HNRNPR: variants seen among roughly 807,000 people sequenced by gnomAD.
HNRNPR encodes the protein heterogeneous nuclear ribonucleoprotein R.
A neutral mutation model predicts 70.3 loss-of-function variants in HNRNPR; 4 were observed. The ratio of observed to expected loss-of-function variants is 0.06; its 90% confidence interval spans 0.03 to 0.13. The LOEUF (loss-of-function observed/expected upper bound fraction) is 0.13, where lower values mean the gene tolerates loss of function less well. Ranked by LOEUF, HNRNPR falls within the 10% of genes least tolerant of loss-of-function variation. The pLI is 1.00. For missense variants in HNRNPR, 423 were observed against 788.5 expected (o/e 0.54, Z 5.55); for synonymous variants, 241 against 267.6 (o/e 0.90, Z 0.97).
intron 1 of HNRNPR, among the ~76,000 whole-genome samples, chr1:23,342,033 T>C (rs544021182): frequency 2.0e-4 from 31 of 152,152 alleles, no homozygotes; most frequent in African/African-American, 5.1e-4. Flanking sequence ...ATGAAGATAA[T>C]AGGCAGCAGA....
rs566733027 is a variant in HNRNPR, at chr1:23,314,228, C to T, written c.1018-526G>A. ...TTACACTATACACAAGGATAAACTC[C>T]AAATAGATTGAAAATTTAAATAATA... On this transcript the variant is annotated intron_variant, in intron 8 of 10. Coordinates refer to ENST00000302271, the MANE Select transcript of HNRNPR (RefSeq NM_005826.5). Among the ~76,000 whole-genome samples, 95 of 152,062 alleles carry T rather than the reference C, an allele frequency of 6.2e-4. 1 individual carries two copies. Among genetic ancestry groups the T allele is most frequent in the Non-Finnish European group, 1.2e-3 (79 of 67,958 alleles).
chr1:23,324,317 C>T (rs1220728681), intron 5 of HNRNPR, among the ~76,000 whole-genome samples: 1 of 152,164 alleles, frequency 6.6e-6, no homozygotes, highest in African/African-American at 2.4e-5. Context: ...GCCTGTAATC[C>T]CAGCACTTTG....
At chr1:23,317,314 C>T (rs1645583345) in intron 8 of HNRNPR, among the ~76,000 whole-genome samples, 1 of 152,036 alleles carries the variant, frequency 6.6e-6, no homozygotes, top group South Asian at 2.1e-4. Flanking sequence ...AAAAATTAGC[C>T]AGCTGTGGTG....
At chr1:23,315,147 G>A (rs1645482234) in intron 8 of HNRNPR, among the ~76,000 whole-genome samples, 1 of 151,930 alleles carries the variant, frequency 6.6e-6, no homozygotes, top group Non-Finnish European at 1.5e-5. Context: ...GGGCGTGGTA[G>A]GAGGCACCTA....
intron 2 of HNRNPR, among the ~76,000 whole-genome samples, chr1:23,339,998 T>A (rs914663343): frequency 5.3e-5 from 8 of 151,678 alleles, no homozygotes; most frequent in Non-Finnish European, 1.2e-4. Context: ...ATGTCTAAAA[T>A]TATGCTAAGC....
chr1:23,314,312 T>C (rs1454939398), intron 8 of HNRNPR, among the ~76,000 whole-genome samples: 1 of 152,104 alleles, frequency 6.6e-6, no homozygotes, highest in East Asian at 1.9e-4. Flanking sequence ...TATATAACAC[T>C]GGAGTGGGGA....
chr1:23,331,661 T>C (rs1051877740), intron 5 of HNRNPR, among the ~76,000 whole-genome samples: 1 of 151,368 alleles, frequency 6.6e-6, no homozygotes, highest in African/African-American at 2.4e-5. Flanking sequence ...CACTCCAGCC[T>C]GGGCAACAAG....
At chr1:23,337,288 T>C (rs1034224836) in intron 4 of HNRNPR, among the ~76,000 whole-genome samples, 2 of 152,136 alleles carry the variant, frequency 1.3e-5, no homozygotes, top group Non-Finnish European at 2.9e-5. Flanking sequence ...AAACATGCAA[T>C]TGAGTGTCGA....
chr1:23,338,074 G>T (rs572081651), intron 3 of HNRNPR: 2 of 449,304 alleles, frequency 4.5e-6, no homozygotes, highest in African/African-American at 2.0e-5. Flanking sequence ...TTCTACCCTG[G>T]GAAAACACAG....
chr1:23,311,305 A>G lies in HNRNPR; in HGVS notation c.1185T>C (p.Asn395=). The G allele has an allele frequency of 6.3e-7, 1 of 1,590,550 alleles. No homozygotes were observed. The highest frequency in any genetic ancestry group is 1.3e-5 in the African/African-American group (1 of 74,546). Residue 395 remains asparagine (N), a synonymous_variant, in exon 10 of 11, where the codon AAT becomes AAC. Transcript: ENST00000302271. ...TTTCTTCCCCTTCTATTTCTTTGCC[A>G]TTCATTTCATCCATAGCCTATAAAA... ...GAAVKAMDEM[N]GKEIEGEEIE... is the part of the protein sequence containing the mutation.
chr1:23,331,405 T>TAAAAAAAAAAAAAA (rs59528152), intron 5 of HNRNPR, among the ~76,000 whole-genome samples: 14 of 127,238 alleles, frequency 1.1e-4, no homozygotes, highest in African/African-American at 3.6e-4. Flanking sequence ...CACAAAAAAT[T>TAAAAAAAAAAAAAA]AAAAAAAAAA....
chr1:23,311,893 CT>C (rs1645350057), intron 9 of HNRNPR: 1 of 152,446 alleles, frequency 6.6e-6, no homozygotes, highest in Admixed American at 6.5e-5. Flanking sequence ...CCAAAATGTA[CT>C]TTGCTTGAAC....
chr1:23,334,892 G>C (rs1163945625), intron 4 of HNRNPR, among the ~76,000 whole-genome samples: 14 of 151,456 alleles, frequency 9.2e-5, no homozygotes, highest in South Asian at 8.3e-4. Context: ...AATCTACCTA[G>C]AAAAGAGAAA....
Position 23,313,567 on chromosome 1 carries a change from C to T in HNRNPR, c.1153G>A (p.Gly385Arg), listed in dbSNP as rs747492474. The change falls in exon 9 of 11, where the codon GGA becomes AGA. Residue 385 changes from glycine to arginine, a missense_variant. Gly to Arg is a moderately radical substitution (Grantham distance 125, BLOSUM62 -2). Coordinates refer to ENST00000302271, the MANE Select transcript of HNRNPR (RefSeq NM_005826.5). ...DYAFVHFEDR[G>R]AAVKAMDEMN... ...AAAATTCCTACCTTAACAGCTGCTC[C>T]TCTGTCTTCAAAATGAACAAATGCA... is the stretch of plus-strand genomic sequence containing the variant. 2.6e-6 allele frequency: 4 copies of T among 1,559,764 alleles called. No individual in the cohort carries two copies. Among genetic ancestry groups the T allele is most frequent in the Admixed American group, 2.2e-5 (1 of 45,466 alleles).
chr1:23,310,446 T>G lies in HNRNPR; in HGVS notation c.*8A>C. 3 of 1,574,968 alleles carry G rather than the reference T, an allele frequency of 1.9e-6. No homozygotes were observed. The highest frequency in any genetic ancestry group is 2.6e-6 in the Non-Finnish European group (3 of 1,161,066). ...TCTTGCCAGTATCATTTTCAAGCCC[T>G]TACTTGTCTACTTCCACTGTTGCCC... On this transcript the variant is annotated 3_prime_UTR_variant, in exon 11 of 11. Coordinates refer to ENST00000302271, the MANE Select transcript of HNRNPR (RefSeq NM_005826.5). This position sits in a 1 kb window ranked among gnomAD's most constrained non-coding sequence, Gnocchi z 6.0.
chr1:23,304,944 C>T lies in HNRNPR; in HGVS notation c.*5510G>A, dbSNP rs1345755842. The T allele has an allele frequency of 2.0e-5, 3 of 152,142 alleles. No individual in the cohort carries two copies. Among genetic ancestry groups the T allele is most frequent in the Non-Finnish European group, 2.9e-5 (2 of 68,020 alleles). The allele number at this position is 152,142 out of a possible 1,614,324, so 9.4% of individuals were successfully genotyped here. On this transcript the variant is annotated 3_prime_UTR_variant, in exon 11 of 11. Coordinates refer to ENST00000302271, the MANE Select transcript of HNRNPR (RefSeq NM_005826.5). The stretch of plus-strand genomic sequence containing the variant: ...GTACCTAACATTATAATGGGATTCA[C>T]TAAGTACAAGTCTACCTACATTATC...
intron 6 of HNRNPR, among the ~76,000 whole-genome samples, chr1:23,322,883 T>C (rs1264294302): frequency 1.3e-5 from 2 of 152,022 alleles, no homozygotes. Context: ...ACAGCAGGAG[T>C]GAAGATACAT....
At chr1:23,342,324 G>A (rs1340457857) in intron 1 of HNRNPR, among the ~76,000 whole-genome samples, 1 of 152,092 alleles carries the variant, frequency 6.6e-6, no homozygotes, top group African/African-American at 2.4e-5. Context: ...GACCAAGAGG[G>A]GAAGGAGGTA....
chr1:23,342,035 GGCA>G (rs1646722493), intron 1 of HNRNPR, among the ~76,000 whole-genome samples: 1 of 152,076 alleles, frequency 6.6e-6, no homozygotes. Context: ...GAAGATAATA[GGCA>G]GCAGAACAAG....
Sources: gnomAD v4.1 joint callset for allele counts (sites outside exome capture counted in the v4.1 genomes callset) on GRCh38, gnomAD v4.1.1 for gene constraint, Gnocchi (gnomAD v3.1) non-coding constraint, MANE v1.5 for transcripts, NCBI Gene and HGNC (gene_info 2026-07-23, HGNC 2026-07-21) for gene names.